UNC5D: variants seen among roughly 807,000 people sequenced by gnomAD.
UNC5D encodes the protein netrin receptor UNC5D.
In UNC5D, 39 loss-of-function variants were observed where a neutral mutation model predicts 105.4. The ratio of observed to expected loss-of-function variants is 0.37; its 90% CI spans 0.29 to 0.48. The LOEUF is 0.48. UNC5D is among the 20% of genes least tolerant of loss of function. The pLI is 0.98. For synonymous variants in UNC5D, 452 were observed against 450.4 expected, an observed-to-expected ratio of 1.00 and a Z score of -0.04; for missense variants, 991 against 1,202.4, an observed-to-expected ratio of 0.82 and a Z score of 2.60.
intron 2 of UNC5D, among the ~76,000 whole-genome samples, chr8:35,561,270 A>G (rs926075069): frequency 3.3e-5 from 5 of 152,048 alleles, no homozygotes; most frequent in African/African-American, 7.2e-5. Context: ...GGTACCAACA[A>G]CGCCACAGAG....
At chr8:35,725,328 C>G (rs1408465147) in intron 9 of UNC5D, among the ~76,000 whole-genome samples, 1 of 152,060 alleles carries the variant, frequency 6.6e-6, no homozygotes, top group Non-Finnish European at 1.5e-5. Context: ...AAGAAAATAT[C>G]ACAGCATTTC....
chr8:35,421,488 G>T (rs975323994), intron 1 of UNC5D, among the ~76,000 whole-genome samples: 1 of 152,148 alleles, frequency 6.6e-6, no homozygotes, highest in Admixed American at 6.6e-5. Context: ...ATATTCAGGC[G>T]ATAAGTACAG....
intron 13 of UNC5D, among the ~76,000 whole-genome samples, chr8:35,753,720 G>T (rs944030825): frequency 1.3e-5 from 2 of 152,170 alleles, no homozygotes; most frequent in African/African-American, 4.8e-5. Flanking sequence ...GTTATTGACA[G>T]GATGTATATG....
At chr8:35,314,408 T>G (rs1307956965) in intron 1 of UNC5D, among the ~76,000 whole-genome samples, 1 of 152,176 alleles carries the variant, frequency 6.6e-6, no homozygotes, top group Non-Finnish European at 1.5e-5. Flanking sequence ...CATTCAATTT[T>G]TGTATCGTTG....
intron 1 of UNC5D, chr8:35,255,955 A>G (rs1804047145): frequency 6.6e-6 from 1 of 152,204 alleles, no homozygotes; most frequent in South Asian, 2.1e-4. Flanking sequence ...ACCATATTTC[A>G]TAGCAGACTT....
rs149364424 is a variant in UNC5D, at chr8:35,761,836, A to T, written c.2313+2367A>T. ...ATGCTGTGTTTGCTCTGGGCATTAG[A>T]TGTAAGCACTTAGGGGAGGGTTTGT... On this transcript the variant is annotated intron_variant, in intron 14 of 16. Transcript: ENST00000404895. Among the ~76,000 whole-genome samples the T allele has an allele frequency of 2.3e-4, 35 of 152,218 alleles. No individual in the cohort carries two copies. In the East Asian group the frequency reaches 6.8e-3, roughly 29 times the overall value.
chr8:35,782,400 C>G (rs939840061), intron 16 of UNC5D, among the ~76,000 whole-genome samples: 1 of 152,120 alleles, frequency 6.6e-6, no homozygotes, highest in African/African-American at 2.4e-5. Flanking sequence ...AATTCCCTAT[C>G]TGGTGCTATA....
At chr8:35,517,453 G>A (rs563022930) in intron 1 of UNC5D, among the ~76,000 whole-genome samples, 41 of 152,274 alleles carry the variant, frequency 2.7e-4, no homozygotes, top group African/African-American at 9.6e-4. Context: ...GACTGGGGAT[G>A]GACCCATAAT....
chr8:35,699,109 C>A (rs1470625529), intron 7 of UNC5D, among the ~76,000 whole-genome samples: 1 of 152,130 alleles, frequency 6.6e-6, no homozygotes, highest in African/African-American at 2.4e-5. Flanking sequence ...TCTGCATATT[C>A]ATCACAAAAA....
At chr8:35,335,756 ATTTTTTT>A (rs35774459) in intron 1 of UNC5D, among the ~76,000 whole-genome samples, 1,401 of 90,434 alleles carry the variant, frequency 0.015, 31 homozygotes, top group African/African-American at 0.06. Flanking sequence ...AGAGATTGCA[ATTTTTTT>A]TTTTTTTTTT....
chr8:35,574,019 T>C (rs944414156), intron 3 of UNC5D, among the ~76,000 whole-genome samples: 14 of 152,230 alleles, frequency 9.2e-5, no homozygotes, highest in African/African-American at 2.7e-4. Context: ...TCTGGTTCAA[T>C]AGAGCCAGAG....
At chr8:35,294,076 T>C (rs978779254) in intron 1 of UNC5D, among the ~76,000 whole-genome samples, 5 of 152,210 alleles carry the variant, frequency 3.3e-5, no homozygotes, top group Non-Finnish European at 7.3e-5. Flanking sequence ...AGAGGATTTT[T>C]GTTGTCCAGG....
chr8:35,235,488 C>T lies in UNC5D; in HGVS notation c.-297C>T. On this transcript the variant is annotated 5_prime_UTR_variant, in exon 1 of 17. Transcript: ENST00000404895. ...CTCGCCTCCGCTCCGTAGTTCGGGGCCCGGCAGCGGCGCGAGGGCTGGGAA... is the reference window on the plus strand; with the variant it reads ...CTCGCCTCCGCTCCGTAGTTCGGGGTCCGGCAGCGGCGCGAGGGCTGGGAA... The T allele has an allele frequency of 3.5e-6, 1 of 283,626 alleles. No individual in the cohort carries two copies. Among genetic ancestry groups the T allele is most frequent in the Non-Finnish European group, 6.5e-6 (1 of 153,454 alleles). The allele number at this position is 283,626 out of a possible 1,614,324, so 17.6% of individuals were successfully genotyped here. A position where few individuals can be genotyped will look rare whatever the true frequency, so the allele number is the denominator to read the frequency against.
intron 10 of UNC5D, among the ~76,000 whole-genome samples, chr8:35,730,161 T>C (rs1315578461): frequency 6.6e-6 from 1 of 152,202 alleles, no homozygotes; most frequent in East Asian, 1.9e-4. Flanking sequence ...CATTTCTTTT[T>C]ATAAACAAGA....
rs144937775 is a variant in UNC5D at position 35,634,522 on chromosome 8, AGT to A, written c.570+38867_570+38868del. ...TTGTGAATTCATTTCCTGGGCTGAC[AGT>A]GACCTAAATGGATCTATTTGATAGA... On this transcript the variant is annotated intron_variant, in intron 4 of 16. Coordinates refer to ENST00000404895, the MANE Select transcript of UNC5D (RefSeq NM_080872.4). Among the ~76,000 whole-genome samples the A allele has an allele frequency of 6.3e-3, 953 of 152,260 alleles. 9 individuals carry two copies. Among genetic ancestry groups the A allele is most frequent in the African/African-American group, 0.022 (909 of 41,540 alleles).
At chr8:35,728,859 T>C (rs1464964635) in intron 10 of UNC5D, among the ~76,000 whole-genome samples, 3 of 152,102 alleles carry the variant, frequency 2.0e-5, no homozygotes, top group Admixed American at 6.6e-5. Flanking sequence ...GAGTATGGGG[T>C]ATTATATTTT....
intron 4 of UNC5D, among the ~76,000 whole-genome samples, chr8:35,614,157 A>C (rs1402075754): frequency 6.6e-6 from 1 of 152,218 alleles, no homozygotes; most frequent in Non-Finnish European, 1.5e-5. Flanking sequence ...TCAAGCGAGA[A>C]GCTCTTTACC....
At chr8:35,746,178 G>A (rs920095519) in intron 11 of UNC5D, among the ~76,000 whole-genome samples, 1 of 152,170 alleles carries the variant, frequency 6.6e-6, no homozygotes, top group Non-Finnish European at 1.5e-5. Context: ...TGGTCACTGA[G>A]AGCAAGAGCC....
At chr8:35,302,889 G>T (rs1429804347) in intron 1 of UNC5D, among the ~76,000 whole-genome samples, 1 of 152,000 alleles carries the variant, frequency 6.6e-6, no homozygotes, top group Non-Finnish European at 1.5e-5. Flanking sequence ...TAATATCCTT[G>T]CATTTTACAA....
Sources: allele counts gnomAD v4.1 joint callset (sites outside exome capture counted in the v4.1 genomes callset), GRCh38; gene constraint gnomAD v4.1.1; transcripts MANE v1.5; gene names NCBI Gene and HGNC (gene_info 2026-07-23, HGNC 2026-07-21).